Variants in ADGRB3 observed in about 807,000 individuals in gnomAD.
The protein encoded by ADGRB3 is adhesion G protein-coupled receptor B3, also known as brain-specific angiogenesis inhibitor 3.
A neutral mutation model predicts 193.4 loss-of-function variants in ADGRB3; 37 were observed. The ratio of observed to expected loss-of-function variants is 0.19; its 90% confidence interval spans 0.15 to 0.25. The LOEUF (loss-of-function observed/expected upper bound fraction) is 0.25. Among genes scored for constraint, ADGRB3 ranks in the 10% least tolerant of loss-of-function variants. The pLI, the probability that ADGRB3 is intolerant of heterozygous loss-of-function variation, is 1.00. For synonymous variants in ADGRB3, 690 were observed against 644.2 expected (o/e 1.07, Z -1.08); for missense variants, 1,637 against 1,852.9 (o/e 0.88, Z 2.14).
At chr6:69,067,141 C>A (rs1381629727) in intron 16 of ADGRB3, among the ~76,000 whole-genome samples, 1 of 152,044 alleles carries the variant, frequency 6.6e-6, no homozygotes, top group Non-Finnish European at 1.5e-5. Flanking sequence ...TACCAGCCTG[C>A]AGTCTCATCT....
intron 17 of ADGRB3, among the ~76,000 whole-genome samples, chr6:69,159,403 A>T (rs1774928692): frequency 6.6e-6 from 1 of 152,064 alleles, no homozygotes; most frequent in African/African-American, 2.4e-5. Context: ...AGTAGAATTG[A>T]TTATATTTAT....
At chr6:68,880,550 G>A (rs1361440890) in intron 3 of ADGRB3, among the ~76,000 whole-genome samples, 1 of 152,134 alleles carries the variant, frequency 6.6e-6, no homozygotes. Context: ...TGCTGGATGT[G>A]CTGTGAATCC....
chr6:69,223,977 A>G (rs2127251701), intron 17 of ADGRB3, among the ~76,000 whole-genome samples: 1 of 152,010 alleles, frequency 6.6e-6, no homozygotes, highest in East Asian at 1.9e-4. Context: ...GAATCTCAAA[A>G]GAATTTTTTT....
At chr6:69,009,940 T>A (rs554176169) in intron 11 of ADGRB3, among the ~76,000 whole-genome samples, 17 of 152,214 alleles carry the variant, frequency 1.1e-4, no homozygotes, top group African/African-American at 4.1e-4. Flanking sequence ...AAAAATTGTA[T>A]ATAATCCATG....
At chr6:68,949,320 C>T (rs1767854929) in intron 6 of ADGRB3, among the ~76,000 whole-genome samples, 1 of 152,078 alleles carries the variant, frequency 6.6e-6, no homozygotes, top group African/African-American at 2.4e-5. Flanking sequence ...GAAATGCTTT[C>T]CTGGGAGCCC....
intron 3 of ADGRB3, among the ~76,000 whole-genome samples, chr6:68,642,258 T>C (rs1474358385): frequency 6.6e-6 from 1 of 152,162 alleles, no homozygotes; most frequent in Non-Finnish European, 1.5e-5. Context: ...ACTTAGTAGA[T>C]GTGATTCCAG....
chr6:68,854,223 T>A (rs984960335), intron 3 of ADGRB3, among the ~76,000 whole-genome samples: 2 of 152,216 alleles, frequency 1.3e-5, no homozygotes, highest in African/African-American at 4.8e-5. Context: ...CTGTTAAATA[T>A]CTGGAATTAG....
chr6:69,178,362 T>C (rs1233425692), intron 17 of ADGRB3, among the ~76,000 whole-genome samples: 1 of 152,176 alleles, frequency 6.6e-6, no homozygotes, highest in Non-Finnish European at 1.5e-5. Context: ...TTGAAGACAG[T>C]AGACAAATGG....
chr6:69,079,116 A>G (rs1772316399), intron 17 of ADGRB3, among the ~76,000 whole-genome samples: 1 of 152,074 alleles, frequency 6.6e-6, no homozygotes, highest in Non-Finnish European at 1.5e-5. Context: ...TTTTATTTCC[A>G]AGGGTAATCT....
At chr6:68,881,642 A>T (rs1335059493) in intron 3 of ADGRB3, among the ~76,000 whole-genome samples, 1 of 152,178 alleles carries the variant, frequency 6.6e-6, no homozygotes, top group African/African-American at 2.4e-5. Flanking sequence ...ACAAGTGGCT[A>T]TGGGAATTTA....
chr6:69,181,457 A>G (rs1293016866), intron 17 of ADGRB3, among the ~76,000 whole-genome samples: 1 of 152,156 alleles, frequency 6.6e-6, no homozygotes, highest in Non-Finnish European at 1.5e-5. Flanking sequence ...AATGCACGAT[A>G]TATGCATTAT....
chr6:68,746,367 T>C (rs981110166), intron 3 of ADGRB3, among the ~76,000 whole-genome samples: 3 of 152,054 alleles, frequency 2.0e-5, no homozygotes, highest in African/African-American at 7.2e-5. Context: ...CTTTTTAAGT[T>C]ATTATTTTCT....
chr6:69,324,895 ATTTTTGCACTTT>A lies in ADGRB3; in HGVS notation c.2841_2852del (p.Leu948_Phe951del). 1 of 1,613,786 alleles carries A rather than the reference ATTTTTGCACTTT, an allele frequency of 6.2e-7. No homozygotes were observed. Among genetic ancestry groups the A allele is most frequent in the Non-Finnish European group, 8.5e-7 (1 of 1,179,816 alleles). ...AGAGTATCTGCACAACCACCACTGC[ATTTTTGCACTTT>A]TTCTTCCTGGCTTCATTCTGTTGGG... On this transcript the variant is annotated inframe_deletion, in exon 21 of 32. Coordinates refer to ENST00000370598, the MANE Select transcript of ADGRB3 (RefSeq NM_001704.3).
chr6:68,746,965 T>C (rs1450171647), intron 3 of ADGRB3, among the ~76,000 whole-genome samples: 2 of 152,124 alleles, frequency 1.3e-5, no homozygotes, highest in Non-Finnish European at 2.9e-5. Context: ...AGGCTCACAG[T>C]CATCTTACAG....
At chr6:69,069,113 C>T (rs993271206) in intron 16 of ADGRB3, among the ~76,000 whole-genome samples, 5 of 152,064 alleles carry the variant, frequency 3.3e-5, no homozygotes, top group Non-Finnish European at 7.4e-5. Flanking sequence ...GAACATAAGA[C>T]CCAGACTTAG....
At chr6:69,213,849 G>C (rs1176508161) in intron 17 of ADGRB3, among the ~76,000 whole-genome samples, 3 of 152,068 alleles carry the variant, frequency 2.0e-5, no homozygotes. Context: ...TTCCAAGTTT[G>C]TACCTCCTTT....
At chr6:68,640,410 C>T (rs1306267230) in intron 3 of ADGRB3, among the ~76,000 whole-genome samples, 1 of 152,190 alleles carries the variant, frequency 6.6e-6, no homozygotes, top group African/African-American at 2.4e-5. Flanking sequence ...TGCAAGACAG[C>T]GTGACATATT....
At chr6:69,378,141 A>G (rs185542107) in intron 30 of ADGRB3, among the ~76,000 whole-genome samples, 1 of 152,216 alleles carries the variant, frequency 6.6e-6, no homozygotes, top group East Asian at 1.9e-4. Context: ...GCAATTGTCC[A>G]GGAACTGTTC....
intron 8 of ADGRB3, among the ~76,000 whole-genome samples, chr6:68,963,269 A>G (rs1471818680): frequency 2.0e-5 from 3 of 152,174 alleles, no homozygotes; most frequent in Non-Finnish European, 2.9e-5. Flanking sequence ...AGATTATTTC[A>G]AGGATGAAAT....
Sources: allele counts gnomAD v4.1 joint callset (sites outside exome capture counted in the v4.1 genomes callset), GRCh38; gene constraint gnomAD v4.1.1; transcripts MANE v1.5; gene names NCBI Gene and HGNC (gene_info 2026-07-23, HGNC 2026-07-21).